The following ATL2 variants were observed in gnomAD, a reference collection of about 807,000 sequenced individuals.
The protein encoded by ATL2 is atlastin-2.
ATL2 carries 31 observed loss-of-function variants against 73.9 expected under a neutral mutation model. The ratio of observed to expected loss-of-function variants is 0.42; its 90% confidence interval spans 0.32 to 0.57. ATL2 has a LOEUF of 0.57. Among genes scored for constraint, ATL2 ranks in the 20% least tolerant of loss-of-function variants. The pLI, the probability that ATL2 is intolerant of heterozygous loss-of-function variation, is 0.14. For synonymous variants in ATL2, 291 were observed against 237.5 expected (o/e 1.23, Z -2.07); for missense variants, 738 against 702.6 (o/e 1.05, Z -0.57).
chr2:38,321,178 A>T (rs1017403176), intron 2 of ATL2, among the ~76,000 whole-genome samples: 2 of 152,144 alleles, frequency 1.3e-5, no homozygotes, highest in African/African-American at 4.8e-5. Flanking sequence ...CTCAAACAAA[A>T]CAAAACAAAA....
intron 2 of ATL2, among the ~76,000 whole-genome samples, chr2:38,334,090 C>T (rs1409944353): frequency 1.4e-5 from 2 of 140,508 alleles, no homozygotes; most frequent in African/African-American, 2.8e-5. Flanking sequence ...AATACAGTGG[C>T]ATGGTCTCAG....
chr2:38,370,087 G>A (rs1399903415), intron 1 of ATL2, among the ~76,000 whole-genome samples: 11 of 146,962 alleles, frequency 7.5e-5, no homozygotes, highest in Admixed American at 2.0e-4. Context: ...CCCGGGGGGC[G>A]GAGCCTGCAG....
intron 1 of ATL2, among the ~76,000 whole-genome samples, chr2:38,356,302 T>G (rs558068893): frequency 6.6e-6 from 1 of 152,176 alleles, no homozygotes; most frequent in Non-Finnish European, 1.5e-5. Context: ...CAAGCAATTC[T>G]CCTCCCTCAG....
chr2:38,322,565 A>G (rs180818527), intron 2 of ATL2, among the ~76,000 whole-genome samples: 15 of 152,352 alleles, frequency 9.8e-5, no homozygotes, highest in Admixed American at 3.3e-4. Context: ...AGTATAGATG[A>G]CTGAAATCAT....
At chr2:38,361,241 C>A (rs1295242237) in intron 1 of ATL2, among the ~76,000 whole-genome samples, 2 of 150,832 alleles carry the variant, frequency 1.3e-5, no homozygotes, top group Non-Finnish European at 2.9e-5. Context: ...GTAGTCCCAG[C>A]TACTAGGGAG....
At chr2:38,339,456 T>C (rs1669571001) in intron 2 of ATL2, among the ~76,000 whole-genome samples, 2 of 152,106 alleles carry the variant, frequency 1.3e-5, no homozygotes, top group South Asian at 2.1e-4. Context: ...AATGATAACA[T>C]TAGAAGAAAC....
At chr2:38,369,424 C>T (rs537829689) in intron 1 of ATL2, among the ~76,000 whole-genome samples, 2 of 151,882 alleles carry the variant, frequency 1.3e-5, no homozygotes, top group East Asian at 3.9e-4. Context: ...GCCTGGGCGA[C>T]AGAGTAAGAC....
Position 38,315,197 on chromosome 2 carries a change from A to T in ATL2, c.654+87T>A. ...ACTTGGGAGGGGGAGGTTGCAGTGA[A>T]CCAAGATTGTGCCACCGTACTCTAG... is the stretch of plus-strand genomic sequence containing the variant. On this transcript the variant is annotated intron_variant, in intron 5 of 12. Coordinates refer to ENST00000378954, the MANE Select transcript of ATL2 (RefSeq NM_001135673.4). The T allele has an allele frequency of 3.1e-6, 4 of 1,288,204 alleles. No homozygotes were observed. The South Asian group carries it at 8.1e-5, about 26-fold the overall frequency. The allele number at this position is 1,288,204 out of a possible 1,614,324, so 79.8% of individuals were successfully genotyped here. A position where few individuals can be genotyped will look rare whatever the true frequency, so the allele number is the denominator to read the frequency against.
chr2:38,314,867 A>G (rs1667943000), intron 5 of ATL2, among the ~76,000 whole-genome samples: 1 of 152,356 alleles, frequency 6.6e-6, no homozygotes, highest in African/African-American at 2.4e-5. Flanking sequence ...TATAACATTC[A>G]ATCGTGTTAC....
chr2:38,337,819 G>C (rs1383253986), intron 2 of ATL2, among the ~76,000 whole-genome samples: 2 of 151,842 alleles, frequency 1.3e-5, no homozygotes, highest in Non-Finnish European at 2.9e-5. Flanking sequence ...TCATAATAAA[G>C]TTTTACAAAG....
intron 2 of ATL2, 51 bp from the exon 3 acceptor site, chr2:38,319,070 G>T: frequency 6.4e-7 from 1 of 1,557,624 alleles, no homozygotes; most frequent in Non-Finnish European, 8.7e-7. Flanking sequence ...AGAAATAAAA[G>T]AAACCAAAAA....
rs1340729427 is a variant in ATL2, at chr2:38,294,487, G to A, written c.*1507C>T. Reference sequence around the variant, plus strand: ...CACTTGAACCCAGGAGGTGGAGGTTGCAGTGAGCCAAGATCGCACCACTGC... The same window carrying A: ...CACTTGAACCCAGGAGGTGGAGGTTACAGTGAGCCAAGATCGCACCACTGC... On this transcript the variant is annotated 3_prime_UTR_variant, in exon 13 of 13. Transcript: ENST00000378954. Among the ~76,000 whole-genome samples, 1 of 152,194 alleles carries A rather than the reference G, an allele frequency of 6.6e-6. No homozygotes were observed. The highest frequency in any genetic ancestry group is 2.4e-5 in the African/African-American group (1 of 41,454).
At position 38,358,474 on chromosome 2, in the gene ATL2, G is replaced by A. The variant is rs186228534; in HGVS notation, c.119-14962C>T. ...TCCCAGCACTTTGGGAGGCCAAGGC[G>A]GGCGGATCACGAGGTCAGGAGATCG... is the stretch of plus-strand genomic sequence containing the variant. On this transcript the variant is annotated intron_variant, in intron 1 of 12. Transcript: ENST00000378954. 259 of 184,088 alleles carry A rather than the reference G, an allele frequency of 1.4e-3. 4 individuals are homozygous for A. The highest frequency in any genetic ancestry group is 4.4e-3 in the African/African-American group (187 of 42,048). 11.4% of individuals were successfully genotyped at this position (184,088 alleles called of 1,614,324 possible). A position where few individuals can be genotyped will look rare whatever the true frequency, so the allele number is the denominator to read the frequency against.
chr2:38,376,156 C>G, intron 1 of ATL2: 2 of 1,531,660 alleles, frequency 1.3e-6, no homozygotes, highest in Non-Finnish European at 1.8e-6. Context: ...TTTGAAAAAA[C>G]TTTATGCCTT....
intron 1 of ATL2, among the ~76,000 whole-genome samples, chr2:38,352,804 C>G (rs1405277653): frequency 1.3e-5 from 2 of 152,190 alleles, no homozygotes; most frequent in African/African-American, 2.4e-5. Context: ...TACTGACAAT[C>G]CATCCAATCA....
chr2:38,370,141 A>G (rs1413241839), intron 1 of ATL2, among the ~76,000 whole-genome samples: 2 of 128,582 alleles, frequency 1.6e-5, no homozygotes, highest in South Asian at 5.3e-4. Context: ...GGCGACAGCG[A>G]GACTCCGTCA....
At chr2:38,339,978 C>T (rs1330795640) in intron 2 of ATL2, among the ~76,000 whole-genome samples, 1 of 151,780 alleles carries the variant, frequency 6.6e-6, no homozygotes, top group South Asian at 2.1e-4. Flanking sequence ...GGCGTGAGCC[C>T]CAACACCCTG....
chr2:38,367,968 T>C, intron 1 of ATL2, among the ~76,000 whole-genome samples: 1 of 140,884 alleles, frequency 7.1e-6, no homozygotes, highest in Non-Finnish European at 1.5e-5. Flanking sequence ...GGAGTCTCGC[T>C]CTCTCTCCCA....
At chr2:38,338,586 G>A (rs1443300250) in intron 2 of ATL2, among the ~76,000 whole-genome samples, 6 of 152,018 alleles carry the variant, frequency 3.9e-5, no homozygotes, top group East Asian at 1.9e-4. Flanking sequence ...CCCAACAGAA[G>A]AATCCTAAAT....
Sources: allele counts gnomAD v4.1 joint callset (sites outside exome capture counted in the v4.1 genomes callset), GRCh38; gene constraint gnomAD v4.1.1; transcripts MANE v1.5; gene names NCBI Gene and HGNC (gene_info 2026-07-23, HGNC 2026-07-21).